Variants in SCAF1 observed in about 807,000 individuals in gnomAD.
SCAF1 encodes the protein SR-related CTD associated factor 1, also known as splicing factor, arginine/serine-rich 19.
In SCAF1, 28 loss-of-function variants were observed where a neutral mutation model predicts 91.2. That is an observed-to-expected ratio of 0.31 (90% CI 0.23 to 0.42). The LOEUF (loss-of-function observed/expected upper bound fraction) is 0.42. Ranked by LOEUF, SCAF1 falls within the 10% of genes least tolerant of loss-of-function variation. SCAF1 has a pLI of 1.00. For synonymous variants in SCAF1, 1,036 were observed against 833.7 expected (o/e 1.24, Z -4.18); for missense variants, 1,893 against 1,872.1 (o/e 1.01, Z -0.21).
rs377537976 is a variant in SCAF1, at chr19:49,653,111, G to A, written c.2722G>A (p.Ala908Thr). The change falls in exon 7 of 11, where the codon GCC (alanine) becomes ACC (threonine). Residue 908 changes from alanine to threonine, a missense_variant. By Grantham distance (58) the Ala-to-Thr change is moderately conservative. Transcript: ENST00000360565. ...KKTKVKAKAG[A>T]KKTKGTKGKT... is the part of the protein sequence containing the mutation. ...GACCAAGGTCAAGGCCAAGGCAGGG[G>A]CCAAGAAAACCAAGGGGACCAAGGG... 1.2e-6 allele frequency: 2 copies of A among 1,612,054 alleles called. No homozygotes were observed. The highest frequency in any genetic ancestry group is 8.5e-7 in the Non-Finnish European group (1 of 1,179,100).
At chr19:49,643,997 G>C (rs867161119) in intron 1 of SCAF1, among the ~76,000 whole-genome samples, 1 of 152,220 alleles carries the variant, frequency 6.6e-6, no homozygotes, top group Admixed American at 6.5e-5. Flanking sequence ...AGGGCTAATA[G>C]TGTCATTCCT....
chr19:49,646,296 G>C lies in SCAF1; in HGVS notation c.261+94G>C. On this transcript the variant is annotated intron_variant, in intron 4 of 10. Transcript: ENST00000360565. The surrounding 1 kb of genome is among the most constrained non-coding windows in gnomAD (Gnocchi z 5.6). ...CTGGGGGAATGGGGTTTGGGGACCT[G>C]GACTCCTGGCTCTGCGATGCTGACC... The C allele has an allele frequency of 9.0e-7, 1 of 1,113,042 alleles. No individual in the cohort carries two copies. The highest frequency in any genetic ancestry group is 1.4e-5 in the South Asian group (1 of 71,000). The allele number at this position is 1,113,042 out of a possible 1,614,324, so 68.9% of individuals were successfully genotyped here. A position where few individuals can be genotyped will look rare whatever the true frequency, so the allele number is the denominator to read the frequency against.
chr19:49,651,496 G>T lies in SCAF1; in HGVS notation c.1107G>T (p.Val369=). ...CTTGTCGGGAAGGCAAGGTCTCGGT[G>T]GAGGTGGTGACCGCTGGTGGAGCCG... ...AEACREGKVS[V]EVVTAGGAAL... is the part of the protein sequence containing the mutation. The change falls in exon 7 of 11, where the codon GTG becomes GTT. Residue 369 remains valine, a synonymous_variant. Coordinates refer to ENST00000360565, the MANE Select transcript of SCAF1 (RefSeq NM_021228.3). 6.3e-7 allele frequency: 1 copy of T among 1,578,174 alleles called. No individual in the cohort carries two copies.
upstream of SCAF1, among the ~76,000 whole-genome samples, chr19:49,641,564 G>A (rs960382360): frequency 6.6e-6 from 1 of 152,156 alleles, no homozygotes; most frequent in Non-Finnish European, 1.5e-5. Context: ...TGATCCGCCT[G>A]CTTCGGCCTC....
In SCAF1 at chr19:49,651,466, A is replaced by C; in HGVS notation, c.1077A>C (p.Ala359=). The C allele has an allele frequency of 6.3e-7, 1 of 1,586,888 alleles. No individual in the cohort carries two copies. Among genetic ancestry groups the C allele is most frequent in the Non-Finnish European group, 8.6e-7 (1 of 1,167,730 alleles). Residue 359 remains alanine (A), a synonymous_variant, in exon 7 of 11, where the codon GCA becomes GCC. Coordinates refer to ENST00000360565, the MANE Select transcript of SCAF1 (RefSeq NM_021228.3). ...RRRVFVVGTE[A]EACREGKVSV... ...GGGTCTTCGTGGTGGGGACCGAGGC[A>C]GAGGCTTGTCGGGAAGGCAAGGTCT... is the stretch of plus-strand genomic sequence containing the variant.
chr19:49,656,010 C>T lies in SCAF1; in HGVS notation c.3618+1140C>T, dbSNP rs191663459. Among the ~76,000 whole-genome samples the T allele has an allele frequency of 8.4e-4, 128 of 152,360 alleles. 1 individual carries two copies. The highest frequency in any genetic ancestry group is 2.8e-3 in the African/African-American group (116 of 41,592). On this transcript the variant is annotated intron_variant, in intron 9 of 10. Transcript: ENST00000360565. ...TACAGTCTAGTAGCCCATAGCCAGA[C>T]GGTGACGTTGGCCACCCTTACACAG...
rs746298036 is a variant in SCAF1 at position 49,652,878 on chromosome 19, A to G, written c.2489A>G (p.Lys830Arg). ...TCGTCGTCCTCCTGTTCTTCCCGGA[A>G]GGTGAAGCTGCAGTCCAAGGTGGCG... ...SSSSSSCSSR[K>R]VKLQSKVAVL... The change falls in exon 7 of 11, where the codon AAG becomes AGG. Residue 830 changes from lysine (K) to arginine (R), a missense_variant. By Grantham distance (26) the Lys-to-Arg change is conservative. This residue lies in a region of SCAF1 where 1,436 missense variants were observed against 1,306.8 expected (regional missense o/e 1.10). Coordinates refer to ENST00000360565, the MANE Select transcript of SCAF1 (RefSeq NM_021228.3). 6.2e-7 allele frequency: 1 copy of G among 1,614,016 alleles called. No individual in the cohort carries two copies. The highest frequency in any genetic ancestry group is 1.3e-5 in the African/African-American group (1 of 75,040).
intron 6 of SCAF1, among the ~76,000 whole-genome samples, chr19:49,650,445 G>A (rs1351754749): frequency 6.6e-6 from 1 of 152,184 alleles, no homozygotes; most frequent in Admixed American, 6.5e-5. Context: ...GGAGTGTGGT[G>A]TTGTGGTCAT....
chr19:49,651,340 C>T lies in SCAF1; in HGVS notation c.951C>T (p.Asp317=), dbSNP rs370259405. 8 of 1,608,828 alleles carry T rather than the reference C, an allele frequency of 5.0e-6. No homozygotes were observed. Among genetic ancestry groups the T allele is most frequent in the Middle Eastern group, 1.7e-4 (1 of 6,052 alleles). The change falls in exon 7 of 11, where the codon GAC becomes GAT. Residue 317 remains aspartate (D), a synonymous_variant. Coordinates refer to ENST00000360565, the MANE Select transcript of SCAF1 (RefSeq NM_021228.3). ...DNSLSQDFPG[D]ESPRPDAQPT... Reference sequence around the variant, plus strand: ...GCCTGAGCCAGGACTTCCCAGGTGACGAGAGCCCCCGCCCGGACGCGCAGC... The same window carrying T: ...GCCTGAGCCAGGACTTCCCAGGTGATGAGAGCCCCCGCCCGGACGCGCAGC...
Position 49,652,061 on chromosome 19 carries a change from C to A in SCAF1, c.1672C>A (p.Arg558=). Residue 558 remains arginine (R), a synonymous_variant, in exon 7 of 11, where the codon CGG becomes AGG. Coordinates refer to ENST00000360565, the MANE Select transcript of SCAF1 (RefSeq NM_021228.3). The part of the protein sequence containing the change: ...SPWDSKKHRS[R]DRKPGSHASS... ...CTGGGACTCCAAGAAGCACCGCTCG[C>A]GGGACCGCAAGCCCGGCTCCCACGC... 8.2e-7 allele frequency: 1 copy of A among 1,226,374 alleles called. No individual in the cohort carries two copies. Among genetic ancestry groups the A allele is most frequent in the Non-Finnish European group, 1.0e-6 (1 of 969,994 alleles). 76.0% of individuals were successfully genotyped at this position (1,226,374 alleles called of 1,614,324 possible). A position where few individuals can be genotyped will look rare whatever the true frequency, so the allele number is the denominator to read the frequency against.
Position 49,658,324 on chromosome 19 carries a change from A to G in SCAF1, c.3864A>G (p.Pro1288=), listed in dbSNP as rs1419983655. The G allele has an allele frequency of 6.3e-7, 1 of 1,599,616 alleles. No homozygotes were observed. The highest frequency in any genetic ancestry group is 1.1e-5 in the South Asian group (1 of 89,734). Residue 1288 remains proline, a synonymous_variant, in exon 11 of 11, where the codon CCA becomes CCG. Transcript: ENST00000360565. ...ACGGTCGCAAGCCAGGGGACCCCCC[A>G]GGGCCCCCACGGCCGCCCAAGGAGC... The part of the protein sequence containing the change: ...RKHGRKPGDP[P]GPPRPPKEPG...
chr19:49,658,200 C>A lies in SCAF1; in HGVS notation c.3748-8C>A. ...TGGTGGTGACTCCAACTGTCCCCGG[C>A]CCCCCAGATCTGCCACAGCAAAAGT... On this transcript the variant is annotated splice_region_variant and splice_polypyrimidine_tract_variant and intron_variant, in intron 10 of 10. Transcript: ENST00000360565. 1 of 1,607,474 alleles carries A rather than the reference C, an allele frequency of 6.2e-7. No individual in the cohort carries two copies. Among genetic ancestry groups the A allele is most frequent in the South Asian group, 1.1e-5 (1 of 90,636 alleles).
Position 49,658,627 on chromosome 19 carries a change from ATT to A in SCAF1, c.*230_*231del. On this transcript the variant is annotated 3_prime_UTR_variant, in exon 11 of 11. Coordinates refer to ENST00000360565, the MANE Select transcript of SCAF1 (RefSeq NM_021228.3). ...GCCCCTCTCCCCAATTTCATTAAAGATTTCATGAAACATTACCCCTGAGCCCC... is the reference window on the plus strand; with the variant it reads ...GCCCCTCTCCCCAATTTCATTAAAGATCATGAAACATTACCCCTGAGCCCC... The A allele has an allele frequency of 3.5e-6, 2 of 565,050 alleles. No individual in the cohort carries two copies. Among genetic ancestry groups the A allele is most frequent in the South Asian group, 4.3e-5 (2 of 46,342 alleles). 35.0% of individuals were successfully genotyped at this position (565,050 alleles called of 1,614,324 possible).
chr19:49,652,613 C>G lies in SCAF1; in HGVS notation c.2224C>G (p.Arg742Gly), dbSNP rs757784801. 2 of 1,562,504 alleles carry G rather than the reference C, an allele frequency of 1.3e-6. No individual in the cohort carries two copies. Among genetic ancestry groups the G allele is most frequent in the East Asian group, 4.8e-5 (2 of 41,710 alleles). Residue 742 changes from arginine to glycine, a missense_variant, in exon 7 of 11, where the codon CGG becomes GGG. Transcript: ENST00000360565. ...YDSEGLSGEE[R>G]GGKSSQKDRR... is the part of the protein sequence containing the mutation. ...CTCCGAGGGACTGAGCGGCGAGGAG[C>G]GGGGCGGCAAGAGCAGCCAGAAGGA...
Position 49,642,405 on chromosome 19 carries a change from C to A in SCAF1, c.-7+163C>A, listed in dbSNP as rs369719376. On this transcript the variant is annotated intron_variant, in intron 1 of 10. Transcript: ENST00000360565. This position sits in a 1 kb window ranked among gnomAD's most constrained non-coding sequence, Gnocchi z 4.0. ...CGGCAGCTGCGGCGAAACCTGGCGC[C>A]GAGAGGGGGGCCTTCTCAGGGCCCC... Among the ~76,000 whole-genome samples the A allele has an allele frequency of 6.6e-6, 1 of 152,116 alleles. No individual in the cohort carries two copies. Among genetic ancestry groups the A allele is most frequent in the Non-Finnish European group, 1.5e-5 (1 of 68,010 alleles).
intron 6 of SCAF1, 87 bp from the exon 7 acceptor site, chr19:49,650,781 C>T (rs2081080353): frequency 9.3e-7 from 1 of 1,076,616 alleles, no homozygotes; most frequent in African/African-American, 1.6e-5. Context: ...CCTGGTGGCC[C>T]AGGGAGTGTC....
At position 49,658,199 on chromosome 19, in the gene SCAF1, G is replaced by GC; in HGVS notation, c.3748-3dup. The GC allele has an allele frequency of 6.2e-7, 1 of 1,608,648 alleles. No individual in the cohort carries two copies. ...CTGGTGGTGACTCCAACTGTCCCCG[G>GC]CCCCCCAGATCTGCCACAGCAAAAG... On this transcript the variant is annotated splice_polypyrimidine_tract_variant and intron_variant, in intron 10 of 10. Coordinates refer to ENST00000360565, the MANE Select transcript of SCAF1 (RefSeq NM_021228.3).
chr19:49,642,256 G>A lies in SCAF1; in HGVS notation c.-7+14G>A, dbSNP rs1259453402. 1 of 152,140 alleles carries A rather than the reference G, an allele frequency of 6.6e-6. No homozygotes were observed. The highest frequency in any genetic ancestry group is 2.4e-5 in the African/African-American group (1 of 41,454). The allele number at this position is 152,140 out of a possible 1,614,324, so 9.4% of individuals were successfully genotyped here. ...CCGAGCGGCGGGGTAAGATGGCGGC[G>A]GCAGTCCGGGCCGCGGGGCTCGGGC... On this transcript the variant is annotated intron_variant, in intron 1 of 10. Transcript: ENST00000360565. The surrounding 1 kb of genome is among the most constrained non-coding windows in gnomAD (Gnocchi z 4.0).
Position 49,652,824 on chromosome 19 carries a change from C to G in SCAF1, c.2435C>G (p.Pro812Arg). The G allele has an allele frequency of 6.2e-7, 1 of 1,614,014 alleles. No homozygotes were observed. The highest frequency in any genetic ancestry group is 8.5e-7 in the Non-Finnish European group (1 of 1,179,996). Residue 812 changes from proline to arginine, a missense_variant, in exon 7 of 11, where the codon CCA (proline) becomes CGA (arginine). Around this residue, in one of 5 missense-constraint regions of SCAF1, gnomAD observed 1,436 missense variants for 1,306.8 expected, o/e 1.10. Coordinates refer to ENST00000360565, the MANE Select transcript of SCAF1 (RefSeq NM_021228.3). ...APSSGPPPKP[P>R]VSSGSGSSSS... ...TCCTCAGGGCCCCCGCCAAAGCCAC[C>G]AGTCAGCAGCGGCTCAGGCTCTTCA... is the stretch of plus-strand genomic sequence containing the variant.
Sources: allele counts gnomAD v4.1 joint callset (sites outside exome capture counted in the v4.1 genomes callset), GRCh38; gene constraint gnomAD v4.1.1; regional missense constraint gnomAD v4.1.1; non-coding constraint Gnocchi (gnomAD v3.1); transcripts MANE v1.5; gene names NCBI Gene and HGNC (gene_info 2026-07-23, HGNC 2026-07-21).